DCC: variants seen among roughly 807,000 people sequenced by gnomAD.
DCC encodes netrin receptor DCC.
A neutral mutation model predicts 172.5 loss-of-function variants in DCC; 58 were observed. The observed-to-expected ratio is 0.34, with a 90% CI of 0.27 to 0.42. The LOEUF (loss-of-function observed/expected upper bound fraction) is 0.42. Ranked by LOEUF, DCC falls within the 10% of genes least tolerant of loss-of-function variation. The pLI is 1.00. For synonymous variants in DCC, 709 were observed against 644.5 expected, an observed-to-expected ratio of 1.10 and a Z score of -1.52; for missense variants, 1,740 against 1,791.0, an observed-to-expected ratio of 0.97 and a Z score of 0.51.
chr18:53,038,248 G>A (rs1415992925), intron 5 of DCC, among the ~76,000 whole-genome samples: 1 of 151,956 alleles, frequency 6.6e-6, no homozygotes, highest in Admixed American at 6.6e-5. Flanking sequence ...TGATACCTTA[G>A]AATTCTGACT....
intron 1 of DCC, among the ~76,000 whole-genome samples, chr18:52,425,643 C>T (rs1043895849): frequency 2.6e-5 from 4 of 152,092 alleles, no homozygotes; most frequent in African/African-American, 4.8e-5. Flanking sequence ...AGCAGGGTTT[C>T]GTAGGCCTTC....
chr18:52,596,633 A>T (rs2033915245), intron 1 of DCC, among the ~76,000 whole-genome samples: 1 of 152,230 alleles, frequency 6.6e-6, no homozygotes, highest in African/African-American at 2.4e-5. Context: ...GAGAAACTGA[A>T]ACCCAGAGTA....
intron 7 of DCC, among the ~76,000 whole-genome samples, chr18:53,151,707 T>A (rs553009408): frequency 2.6e-5 from 4 of 152,260 alleles, no homozygotes; most frequent in South Asian, 4.1e-4. Context: ...CTCATTAAGA[T>A]TAAAAATGGT....
intron 1 of DCC, among the ~76,000 whole-genome samples, chr18:52,554,081 G>T (rs2032847409): frequency 6.6e-6 from 1 of 152,052 alleles, no homozygotes; most frequent in Admixed American, 6.6e-5. Flanking sequence ...AAAGATGGTT[G>T]TATTAAGTGA....
intron 1 of DCC, among the ~76,000 whole-genome samples, chr18:52,546,113 G>A (rs1025861819): frequency 4.6e-5 from 7 of 152,084 alleles, no homozygotes; most frequent in Admixed American, 2.6e-4. Context: ...CACTTGATTC[G>A]AGAGGTGTCT....
rs1359360059 is a variant in DCC, at chr18:53,399,619, AGG to A, written c.2827+2177_2827+2178del. 5.8e-4 allele frequency among the ~76,000 whole-genome samples: 6 copies of A among 10,288 alleles called. 3 individuals are homozygous for A. Among genetic ancestry groups the A allele is most frequent in the Admixed American group, 4.4e-3 (2 of 456 alleles). The allele number at this position is 10,288 out of a possible 152,430, so 6.7% of individuals were successfully genotyped here. ...AAAAAATGAGAGCCAAAGAAATCAG[AGG>A]GGGCCGGGCGCGGTGGCTCACGCCT... On this transcript the variant is annotated intron_variant, in intron 18 of 28. Coordinates refer to ENST00000442544, the MANE Select transcript of DCC (RefSeq NM_005215.4).
intron 1 of DCC, among the ~76,000 whole-genome samples, chr18:52,494,264 A>ATGTGTGTGTGTGTGTGTGTGTGTGTG (rs10633986): frequency 6.8e-6 from 1 of 147,434 alleles, no homozygotes; most frequent in Non-Finnish European, 1.5e-5. Flanking sequence ...ATGGTTTGTG[A>ATGTGTGTGTGTGTGTGTGTGTGTGTG]TGTGTGTGTG....
intron 5 of DCC, among the ~76,000 whole-genome samples, chr18:53,027,481 A>C (rs960738665): frequency 2.0e-5 from 3 of 152,130 alleles, no homozygotes; most frequent in Non-Finnish European, 4.4e-5. Context: ...ATTGTGTATA[A>C]CTATGAATAA....
At position 52,415,743 on chromosome 18, in the gene DCC, G is replaced by A. The variant is rs1050452097; in HGVS notation, c.91+74865G>A. Among the ~76,000 whole-genome samples the A allele has an allele frequency of 1.1e-4, 16 of 152,066 alleles. No individual in the cohort carries two copies. In the Middle Eastern group the frequency reaches 0.014, roughly 130 times the overall value. On this transcript the variant is annotated intron_variant, in intron 1 of 28. Coordinates refer to ENST00000442544, the MANE Select transcript of DCC (RefSeq NM_005215.4). ...GAAGCCTGTTTATCATTTTTATTGC[G>A]TCTATTTGATTCTTCTCTCTTTTCT...
intron 5 of DCC, among the ~76,000 whole-genome samples, chr18:53,014,249 T>C (rs2041773182): frequency 6.6e-6 from 1 of 152,154 alleles, no homozygotes. Context: ...AAGCATATAT[T>C]TGAAGTTAAA....
intron 5 of DCC, among the ~76,000 whole-genome samples, chr18:53,050,604 T>C (rs1317075943): frequency 6.6e-6 from 1 of 152,140 alleles, no homozygotes; most frequent in Non-Finnish European, 1.5e-5. Context: ...GGAATACTAC[T>C]GATTTTTGTA....
chr18:52,850,230 T>G (rs2038954773), intron 2 of DCC, among the ~76,000 whole-genome samples: 1 of 152,184 alleles, frequency 6.6e-6, no homozygotes, highest in Non-Finnish European at 1.5e-5. Context: ...CAGTCAAAAT[T>G]TGGAATCACT....
intron 1 of DCC, among the ~76,000 whole-genome samples, chr18:52,494,866 C>T (rs1180880357): frequency 6.6e-6 from 1 of 151,984 alleles, no homozygotes; most frequent in Non-Finnish European, 1.5e-5. Flanking sequence ...TCTTGTCACA[C>T]CTAGTAATTT....
rs1168556468 is a variant in DCC at position 53,452,073 on chromosome 18, A to G, written c.3392+1411A>G. 2.0e-5 allele frequency among the ~76,000 whole-genome samples: 3 copies of G among 152,202 alleles called. No individual in the cohort carries two copies. In the South Asian group the frequency reaches 6.2e-4, roughly 32 times the overall value. ...GCATTCTGGGAAGTCATAATCACTC[A>G]CAGAGCTTCCACAGTGCAGGGCTGT... On this transcript the variant is annotated intron_variant, in intron 23 of 28. Coordinates refer to ENST00000442544, the MANE Select transcript of DCC (RefSeq NM_005215.4).
chr18:53,314,325 T>A (rs569248650), intron 13 of DCC, among the ~76,000 whole-genome samples: 1 of 152,320 alleles, frequency 6.6e-6, no homozygotes, highest in Admixed American at 6.5e-5. Context: ...AAAGGTTTGA[T>A]AAAAAAGTTA....
At chr18:53,125,518 G>A (rs28376015) in intron 7 of DCC, among the ~76,000 whole-genome samples, 10,620 of 151,914 alleles carry the variant, frequency 0.07, 614 homozygotes, top group African/African-American at 0.16. Context: ...TTCTTTATTG[G>A]TACTCATCTT....
chr18:52,344,657 G>A (rs1983801996), intron 1 of DCC, among the ~76,000 whole-genome samples: 1 of 138,910 alleles, frequency 7.2e-6, no homozygotes, highest in Non-Finnish European at 1.6e-5. Context: ...ATGTTTAAAA[G>A]CAGTGCTGAA....
At chr18:52,491,414 A>G (rs1202854608) in intron 1 of DCC, among the ~76,000 whole-genome samples, 1 of 152,102 alleles carries the variant, frequency 6.6e-6, no homozygotes, top group Admixed American at 6.6e-5. Flanking sequence ...CCTGGACATA[A>G]TATGTGAGCT....
chr18:52,405,761 G>C (rs1986623316), intron 1 of DCC, among the ~76,000 whole-genome samples: 2 of 151,510 alleles, frequency 1.3e-5, no homozygotes, highest in Admixed American at 1.3e-4. Flanking sequence ...GTAATTTACA[G>C]ATTCAATGCC....
Sources: gnomAD v4.1 joint callset for allele counts (sites outside exome capture counted in the v4.1 genomes callset) on GRCh38, gnomAD v4.1.1 for gene constraint, MANE v1.5 for transcripts, NCBI Gene and HGNC (gene_info 2026-07-23, HGNC 2026-07-21) for gene names.